Variants in PRRX2 observed in about 807,000 individuals in gnomAD.
PRRX2 encodes the protein paired mesoderm homeobox protein 2.
A neutral mutation model predicts 18.0 loss-of-function variants in PRRX2; 11 were observed. The observed-to-expected ratio is 0.61, with a 90% CI of 0.39 to 1.01. The LOEUF (loss-of-function observed/expected upper bound fraction) is 1.01. Among genes scored for constraint, PRRX2 ranks in the 50% least tolerant of loss-of-function variants. The probability of loss-of-function intolerance (pLI) is 0.01; values close to 1 mark genes in which losing one functional copy is unlikely to be tolerated. For synonymous variants in PRRX2, 177 were observed against 154.8 expected (o/e 1.14, Z -1.06); for missense variants, 387 against 351.0 (o/e 1.10, Z -0.82).
chr9:129,680,793 T>G (rs1431647200), intron 1 of PRRX2, among the ~76,000 whole-genome samples: 2 of 152,198 alleles, frequency 1.3e-5, no homozygotes, highest in Non-Finnish European at 1.5e-5. Context: ...GCTGATCCAC[T>G]GCACTGAACC....
At chr9:129,704,093 C>T (rs981873738) in intron 1 of PRRX2, among the ~76,000 whole-genome samples, 5 of 152,196 alleles carry the variant, frequency 3.3e-5, no homozygotes, top group East Asian at 1.9e-4. Context: ...ACCACCTCTC[C>T]GTACAACATT....
intron 1 of PRRX2, among the ~76,000 whole-genome samples, chr9:129,673,389 CG>C (rs1832123810): frequency 1.3e-5 from 2 of 152,048 alleles, no homozygotes; most frequent in Non-Finnish European, 2.9e-5. Flanking sequence ...CCCAGGAGTT[CG>C]AGGCTGCAGT....
chr9:129,695,720 T>A lies in PRRX2; in HGVS notation c.260-23511T>A, dbSNP rs897504572. Among the ~76,000 whole-genome samples the A allele has an allele frequency of 6.6e-6, 1 of 152,238 alleles. No individual in the cohort carries two copies. The highest frequency in any genetic ancestry group is 1.5e-5 in the Non-Finnish European group (1 of 68,046). On this transcript the variant is annotated intron_variant, in intron 1 of 3. Coordinates refer to ENST00000372469, the MANE Select transcript of PRRX2 (RefSeq NM_016307.4). The surrounding 1 kb of genome is among the most constrained non-coding windows in gnomAD (Gnocchi z 4.8). The stretch of plus-strand genomic sequence containing the variant: ...GCTGCTTTCAGATGCTTAGGCACAT[T>A]CACCAGGCCATTATGGGCCTCACTA...
At chr9:129,692,193 A>G (rs1211075688) in intron 1 of PRRX2, among the ~76,000 whole-genome samples, 2 of 144,816 alleles carry the variant, frequency 1.4e-5, no homozygotes, top group African/African-American at 5.2e-5. Flanking sequence ...AAAGTGATCT[A>G]CTCTCCTCTG....
intron 1 of PRRX2, among the ~76,000 whole-genome samples, chr9:129,701,706 CAT>C (rs1832499442): frequency 6.6e-6 from 1 of 152,218 alleles, no homozygotes; most frequent in East Asian, 1.9e-4. Context: ...TAAATGGAGT[CAT>C]GTGATAGCTA....
chr9:129,677,964 T>C (rs1403982677), intron 1 of PRRX2, among the ~76,000 whole-genome samples: 126 of 138,196 alleles, frequency 9.1e-4, no homozygotes, highest in African/African-American at 2.9e-3. Flanking sequence ...CTTTCTTTTT[T>C]TTTTTTTTTT....
Position 129,720,583 on chromosome 9 carries a change from C to A in PRRX2, c.448-13C>A, listed in dbSNP as rs772649353. ...CTGCCCATGCTGCACCCTGCTCACC[C>A]TCCCACCCACAGGTCTGGTTTCAGA... On this transcript the variant is annotated splice_polypyrimidine_tract_variant and intron_variant, in intron 2 of 3. Transcript: ENST00000372469. 6.3e-7 allele frequency: 1 copy of A among 1,594,272 alleles called. No homozygotes were observed. Among genetic ancestry groups the A allele is most frequent in the East Asian group, 2.3e-5 (1 of 44,392 alleles).
At chr9:129,705,115 C>T (rs1777270017) in intron 1 of PRRX2, among the ~76,000 whole-genome samples, 2 of 152,236 alleles carry the variant, frequency 1.3e-5, no homozygotes, top group African/African-American at 4.8e-5. Flanking sequence ...GCTCCCCTTC[C>T]TCCTGGGTGA....
intron 1 of PRRX2, among the ~76,000 whole-genome samples, chr9:129,672,648 C>T (rs1308191552): frequency 6.6e-6 from 1 of 152,156 alleles, no homozygotes; most frequent in African/African-American, 2.4e-5. Flanking sequence ...GGGTCATGTC[C>T]CAAGTGTGAG....
chr9:129,684,306 G>A (rs968604463), intron 1 of PRRX2, among the ~76,000 whole-genome samples: 5 of 151,952 alleles, frequency 3.3e-5, no homozygotes, highest in African/African-American at 9.7e-5. Context: ...ATCCAGGGTG[G>A]GACTTCAGGC....
chr9:129,679,817 T>C lies in PRRX2; in HGVS notation c.259+13691T>C, dbSNP rs180783400. ...CTCAGTGGTGATGCAGACAGAGAAA[T>C]GTAGAGCCAGCTCCAGAGAGCTCCC... On this transcript the variant is annotated intron_variant, in intron 1 of 3. Transcript: ENST00000372469. Among the ~76,000 whole-genome samples, 247 of 152,170 alleles carry C rather than the reference T, an allele frequency of 1.6e-3. 1 individual carries two copies. Among genetic ancestry groups the C allele is most frequent in the African/African-American group, 5.9e-3 (243 of 41,520 alleles).
intron 1 of PRRX2, among the ~76,000 whole-genome samples, chr9:129,667,932 G>C (rs1403049312): frequency 6.6e-6 from 1 of 152,192 alleles, no homozygotes; most frequent in Non-Finnish European, 1.5e-5. Flanking sequence ...CCTAAGAAGG[G>C]GCATTGGCAC....
intron 1 of PRRX2, among the ~76,000 whole-genome samples, chr9:129,711,294 T>G (rs529118666): frequency 1.3e-5 from 2 of 152,128 alleles, no homozygotes; most frequent in East Asian, 3.9e-4. Context: ...TCTCTGTTCC[T>G]CAGTTTCCTC....
At chr9:129,686,295 T>C (rs1832298217) in intron 1 of PRRX2, among the ~76,000 whole-genome samples, 1 of 152,164 alleles carries the variant, frequency 6.6e-6, no homozygotes, top group South Asian at 2.1e-4. Flanking sequence ...CAAGGAGGCA[T>C]CGCTGTTAGG....
At chr9:129,672,641 T>A (rs1239514050) in intron 1 of PRRX2, among the ~76,000 whole-genome samples, 2 of 152,060 alleles carry the variant, frequency 1.3e-5, no homozygotes, top group Non-Finnish European at 2.9e-5. Flanking sequence ...CTGGCCTGGG[T>A]CATGTCCCAA....
chr9:129,720,859 C>A, intron 3 of PRRX2, 85 bp downstream of exon 3: 1 of 1,353,526 alleles, frequency 7.4e-7, no homozygotes, highest in South Asian at 1.6e-5. Context: ...CTCTGAGGGT[C>A]TGGAGAGAGC....
At chr9:129,712,612 G>A (rs1261778774) in intron 1 of PRRX2, among the ~76,000 whole-genome samples, 2 of 152,056 alleles carry the variant, frequency 1.3e-5, no homozygotes, top group African/African-American at 2.4e-5. Context: ...TAATGTAATC[G>A]GGGACGATGT....
intron 1 of PRRX2, among the ~76,000 whole-genome samples, chr9:129,716,355 A>G (rs1832706320): frequency 6.6e-6 from 1 of 152,174 alleles, no homozygotes; most frequent in Non-Finnish European, 1.5e-5. Context: ...TGCAGCTGTG[A>G]AAAGGAACAT....
intron 3 of PRRX2, among the ~76,000 whole-genome samples, chr9:129,721,080 C>T (rs536672743): frequency 6.6e-6 from 1 of 152,356 alleles, no homozygotes; most frequent in South Asian, 2.1e-4. Flanking sequence ...TGCGTGTCCA[C>T]AGGGGTGTGA....
Sources: allele counts gnomAD v4.1 joint callset (sites outside exome capture counted in the v4.1 genomes callset), GRCh38; gene constraint gnomAD v4.1.1; non-coding constraint Gnocchi (gnomAD v3.1); transcripts MANE v1.5; gene names NCBI Gene and HGNC (gene_info 2026-07-23, HGNC 2026-07-21).